Variants in AGPAT4 observed in about 807,000 individuals in gnomAD.
AGPAT4 encodes 1-acylglycerol-3-phosphate O-acyltransferase 4, also known as 1-acyl-sn-glycerol-3-phosphate acyltransferase delta.
Under a neutral mutation model 48.0 loss-of-function variants are expected in AGPAT4, and 15 were observed. The ratio of observed to expected loss-of-function variants is 0.31; its 90% confidence interval spans 0.21 to 0.48. The LOEUF (loss-of-function observed/expected upper bound fraction) is 0.48. AGPAT4 is among the 20% of genes least tolerant of loss of function. The probability of loss-of-function intolerance (pLI) is 0.99; values close to 1 mark genes in which losing one functional copy is unlikely to be tolerated. For missense variants in AGPAT4, 314 were observed against 482.5 expected (o/e 0.65, Z 3.27); for synonymous variants, 178 against 198.7 (o/e 0.90, Z 0.88).
chr6:161,242,281 C>T lies in AGPAT4; in HGVS notation c.-89-9979G>A, dbSNP rs1029425993. 6.6e-6 allele frequency among the ~76,000 whole-genome samples: 1 copy of T among 152,220 alleles called. No homozygotes were observed. The highest frequency in any genetic ancestry group is 2.4e-5 in the African/African-American group (1 of 41,454). On this transcript the variant is annotated intron_variant, in intron 1 of 8. Coordinates refer to ENST00000320285, the MANE Select transcript of AGPAT4 (RefSeq NM_020133.3). This position sits in a 1 kb window ranked among gnomAD's most constrained non-coding sequence, Gnocchi z 5.0. ...AGTCTCACGCTTTTAACCAGTCTCA[C>T]GCTCTTAATGCTGCCTATAAGACAA...
At chr6:161,271,371 T>C (rs2114767789) in intron 1 of AGPAT4, among the ~76,000 whole-genome samples, 1 of 152,368 alleles carries the variant, frequency 6.6e-6, no homozygotes, top group East Asian at 1.9e-4. Context: ...GACTGGCTGT[T>C]GCCTCCCCCT....
rs1300231806 is a variant in AGPAT4 at position 161,166,786 on chromosome 6, G to GA, written c.179-370dup. On this transcript the variant is annotated intron_variant, in intron 2 of 8. Coordinates refer to ENST00000320285, the MANE Select transcript of AGPAT4 (RefSeq NM_020133.3). The surrounding 1 kb of genome is among the most constrained non-coding windows in gnomAD (Gnocchi z 6.7). ...GAGGTATAGAATTCTTAATATCCTG[G>GA]AAAATGACTAATTGGGATACTTATA... Among the ~76,000 whole-genome samples the GA allele has an allele frequency of 1.2e-4, 18 of 152,094 alleles. No individual in the cohort carries two copies. The highest frequency in any genetic ancestry group is 2.0e-4 in the Admixed American group (3 of 15,264).
At chr6:161,153,544 C>T (rs1187388436) in intron 4 of AGPAT4, 45 bp from the exon 5 acceptor site, 2 of 1,600,714 alleles carry the variant, frequency 1.2e-6, no homozygotes, top group Admixed American at 1.7e-5. Context: ...CGGGGTCACA[C>T]ACAGCCCTGG....
At chr6:161,257,611 C>T (rs776960883) in intron 1 of AGPAT4, among the ~76,000 whole-genome samples, 1 of 151,960 alleles carries the variant, frequency 6.6e-6, no homozygotes, top group African/African-American at 2.4e-5. Context: ...TAAATGAAGA[C>T]AGAAGTTTTT....
Position 161,136,382 on chromosome 6 carries a change from A to T in AGPAT4, c.*158T>A. On this transcript the variant is annotated 3_prime_UTR_variant, in exon 9 of 9. Transcript: ENST00000320285. The stretch of plus-strand genomic sequence containing the variant: ...AAGATTACAAAACATCTTCCTCCCC[A>T]TCCGGCCTTGAGACCAGACTCCCTG... 1 of 626,110 alleles carries T rather than the reference A, an allele frequency of 1.6e-6. No individual in the cohort carries two copies. Among genetic ancestry groups the T allele is most frequent in the Non-Finnish European group, 2.8e-6 (1 of 353,986 alleles). 38.8% of individuals were successfully genotyped at this position (626,110 alleles called of 1,614,324 possible).
At chr6:161,258,158 CT>C (rs904874376) in intron 1 of AGPAT4, among the ~76,000 whole-genome samples, 171 of 152,290 alleles carry the variant, frequency 1.1e-3, no homozygotes, top group African/African-American at 3.9e-3. Context: ...TCTTATGACA[CT>C]TTTTTTCCTC....
In AGPAT4 at chr6:161,200,446, C is replaced by A. The variant is rs958315350; in HGVS notation, c.178+31590G>T. ...ATCTCCAAATAACCACAGTACAATC[C>A]TAATTATCTATGAGAAGGCCTGCAC... is the stretch of plus-strand genomic sequence containing the variant. On this transcript the variant is annotated intron_variant, in intron 2 of 8. Coordinates refer to ENST00000320285, the MANE Select transcript of AGPAT4 (RefSeq NM_020133.3). The surrounding 1 kb of genome is among the most constrained non-coding windows in gnomAD (Gnocchi z 5.5). Among the ~76,000 whole-genome samples, 9 of 152,148 alleles carry A rather than the reference C, an allele frequency of 5.9e-5. No homozygotes were observed. Among genetic ancestry groups the A allele is most frequent in the Admixed American group, 5.2e-4 (8 of 15,278 alleles).
Position 161,202,174 on chromosome 6 carries a change from G to T in AGPAT4, c.178+29862C>A, listed in dbSNP as rs535549932. Among the ~76,000 whole-genome samples the T allele has an allele frequency of 6.6e-6, 1 of 152,030 alleles. No homozygotes were observed. The highest frequency in any genetic ancestry group is 1.9e-4 in the East Asian group (1 of 5,186). ...AATAACAAAAACACTTATTATCTCCGACAGTTTCTGAAGGTGGAGAATTCA... is the reference window on the plus strand; with the variant it reads ...AATAACAAAAACACTTATTATCTCCTACAGTTTCTGAAGGTGGAGAATTCA... On this transcript the variant is annotated intron_variant, in intron 2 of 8. Coordinates refer to ENST00000320285, the MANE Select transcript of AGPAT4 (RefSeq NM_020133.3). The surrounding 1 kb of genome is among the most constrained non-coding windows in gnomAD (Gnocchi z 5.4).
At position 161,219,921 on chromosome 6, in the gene AGPAT4, G is replaced by A. The variant is rs1405124515; in HGVS notation, c.178+12115C>T. On this transcript the variant is annotated intron_variant, in intron 2 of 8. Coordinates refer to ENST00000320285, the MANE Select transcript of AGPAT4 (RefSeq NM_020133.3). This position sits in a 1 kb window ranked among gnomAD's most constrained non-coding sequence, Gnocchi z 4.9. ...CAGGCAGGCAGGCAGGCAGGCGGCA[G>A]GCAGGCAGGCAGGCAGGCAGGCAGG... Among the ~76,000 whole-genome samples the A allele has an allele frequency of 8.7e-6, 1 of 114,580 alleles. No homozygotes were observed. Among genetic ancestry groups the A allele is most frequent in the African/African-American group, 4.7e-5 (1 of 21,268 alleles). The allele number at this position is 114,580 out of a possible 152,430, so 75.2% of individuals were successfully genotyped here. A position where few individuals can be genotyped will look rare whatever the true frequency, so the allele number is the denominator to read the frequency against.
In AGPAT4 at chr6:161,161,056, G is replaced by C. The variant is rs938135608; in HGVS notation, c.348+5192C>G. On this transcript the variant is annotated intron_variant, in intron 3 of 8. Coordinates refer to ENST00000320285, the MANE Select transcript of AGPAT4 (RefSeq NM_020133.3). This position sits in a 1 kb window ranked among gnomAD's most constrained non-coding sequence, Gnocchi z 4.6. ...ACAGTTCATGGGATGATACCAAGTC[G>C]GTGTACAGCAGACAGCACAGGCTGT... 1 of 456,580 alleles carries C rather than the reference G, an allele frequency of 2.2e-6. No individual in the cohort carries two copies. Among genetic ancestry groups the C allele is most frequent in the Non-Finnish European group, 4.4e-6 (1 of 226,976 alleles). The allele number at this position is 456,580 out of a possible 1,614,324, so 28.3% of individuals were successfully genotyped here.
chr6:161,231,671 T>C lies in AGPAT4; in HGVS notation c.178+365A>G, dbSNP rs13194692. On this transcript the variant is annotated intron_variant, in intron 2 of 8. Transcript: ENST00000320285. The surrounding 1 kb of genome is among the most constrained non-coding windows in gnomAD (Gnocchi z 5.3). ...ATGTATATGTATCTATATAGATATA[T>C]ACACAGAAAGACGCACATGCATTTA... is the stretch of plus-strand genomic sequence containing the variant. 6.6e-6 allele frequency among the ~76,000 whole-genome samples: 1 copy of C among 152,142 alleles called. No homozygotes were observed. The highest frequency in any genetic ancestry group is 1.5e-5 in the Non-Finnish European group (1 of 68,028).
In AGPAT4 at chr6:161,169,384, C is replaced by T. The variant is rs1490896614; in HGVS notation, c.179-2967G>A. On this transcript the variant is annotated intron_variant, in intron 2 of 8. Coordinates refer to ENST00000320285, the MANE Select transcript of AGPAT4 (RefSeq NM_020133.3). This position sits in a 1 kb window ranked among gnomAD's most constrained non-coding sequence, Gnocchi z 5.0. ...GACCAGGTGGGGGAAGACCAAATTT[C>T]CCACTCACCTCAGCAGGCTGCTCAC... is the stretch of plus-strand genomic sequence containing the variant. Among the ~76,000 whole-genome samples, 3 of 152,190 alleles carry T rather than the reference C, an allele frequency of 2.0e-5. No individual in the cohort carries two copies. Among genetic ancestry groups the T allele is most frequent in the African/African-American group, 7.2e-5 (3 of 41,446 alleles).
chr6:161,241,911 T>C (rs1288660342), intron 1 of AGPAT4, among the ~76,000 whole-genome samples: 2 of 152,124 alleles, frequency 1.3e-5, no homozygotes, highest in African/African-American at 4.8e-5. Context: ...TTTTGTAATT[T>C]TGGTAGAGAT....
rs1025873284 is a variant in AGPAT4, at chr6:161,201,678, T to C, written c.178+30358A>G. On this transcript the variant is annotated intron_variant, in intron 2 of 8. Coordinates refer to ENST00000320285, the MANE Select transcript of AGPAT4 (RefSeq NM_020133.3). The surrounding 1 kb of genome is among the most constrained non-coding windows in gnomAD (Gnocchi z 6.0). ...AGAGGAGCCTGAGATTCCCCACTTG[T>C]AGCAATTCCAGGGTGATGCTGAGGC... Among the ~76,000 whole-genome samples the C allele has an allele frequency of 2.6e-5, 4 of 152,306 alleles. No individual in the cohort carries two copies. The highest frequency in any genetic ancestry group is 7.2e-5 in the African/African-American group (3 of 41,566).
rs1459796758 is a variant in AGPAT4, at chr6:161,216,221, G to T, written c.178+15815C>A. ...GAAAGGGTTCTGAACCCACGTTGGG[G>T]TTGGGTGGGAATAACTCAATGGATG... On this transcript the variant is annotated intron_variant, in intron 2 of 8. Coordinates refer to ENST00000320285, the MANE Select transcript of AGPAT4 (RefSeq NM_020133.3). The surrounding 1 kb of genome is among the most constrained non-coding windows in gnomAD (Gnocchi z 4.8). Among the ~76,000 whole-genome samples, 3 of 152,182 alleles carry T rather than the reference G, an allele frequency of 2.0e-5. No homozygotes were observed. Among genetic ancestry groups the T allele is most frequent in the African/African-American group, 7.2e-5 (3 of 41,442 alleles).
At position 161,231,112 on chromosome 6, in the gene AGPAT4, G is replaced by A. The variant is rs1253637079; in HGVS notation, c.178+924C>T. Among the ~76,000 whole-genome samples, 1 of 152,060 alleles carries A rather than the reference G, an allele frequency of 6.6e-6. No homozygotes were observed. Among genetic ancestry groups the A allele is most frequent in the Admixed American group, 6.6e-5 (1 of 15,266 alleles). On this transcript the variant is annotated intron_variant, in intron 2 of 8. Transcript: ENST00000320285. This position sits in a 1 kb window ranked among gnomAD's most constrained non-coding sequence, Gnocchi z 5.3. Reference sequence around the variant, plus strand: ...ATTTTAGACTCTTGGCATAATCTTAGTTGATGTTTTTAATAGACAAATTTT... The same window carrying A: ...ATTTTAGACTCTTGGCATAATCTTAATTGATGTTTTTAATAGACAAATTTT...
chr6:161,228,801 G>A (rs1015347920), intron 2 of AGPAT4, among the ~76,000 whole-genome samples: 29 of 151,776 alleles, frequency 1.9e-4, no homozygotes, highest in African/African-American at 6.3e-4. Flanking sequence ...TAACGAAGCC[G>A]GCTCCATCCT....
At chr6:161,257,853 A>G (rs1782986627) in intron 1 of AGPAT4, among the ~76,000 whole-genome samples, 2 of 152,210 alleles carry the variant, frequency 1.3e-5, no homozygotes, top group Non-Finnish European at 2.9e-5. Context: ...CCCAATCCCC[A>G]GGTCACCATC....
chr6:161,171,926 C>A lies in AGPAT4; in HGVS notation c.179-5509G>T, dbSNP rs1780277054. Among the ~76,000 whole-genome samples, 2 of 151,594 alleles carry A rather than the reference C, an allele frequency of 1.3e-5. No individual in the cohort carries two copies. The highest frequency in any genetic ancestry group is 6.6e-5 in the Admixed American group (1 of 15,164). On this transcript the variant is annotated intron_variant, in intron 2 of 8. Coordinates refer to ENST00000320285, the MANE Select transcript of AGPAT4 (RefSeq NM_020133.3). The surrounding 1 kb of genome is among the most constrained non-coding windows in gnomAD (Gnocchi z 4.4). ...AAAACAAAAAACAAAAAACAAAAAACCAAAAGTTTCCAACACATGAACTCT... is the reference window on the plus strand; with the variant it reads ...AAAACAAAAAACAAAAAACAAAAAAACAAAAGTTTCCAACACATGAACTCT...
Sources: allele counts gnomAD v4.1 joint callset (sites outside exome capture counted in the v4.1 genomes callset), GRCh38; gene constraint gnomAD v4.1.1; non-coding constraint Gnocchi (gnomAD v3.1); transcripts MANE v1.5; gene names NCBI Gene and HGNC (gene_info 2026-07-23, HGNC 2026-07-21).